The following PTPRM variants were observed in gnomAD, a reference collection of about 807,000 sequenced individuals.
PTPRM encodes receptor-type tyrosine-protein phosphatase mu.
A neutral mutation model predicts 186.7 loss-of-function variants in PTPRM; 47 were observed. That is an observed-to-expected ratio of 0.25 (90% CI 0.20 to 0.32). The LOEUF is 0.32. PTPRM is among the 10% of genes least tolerant of loss of function. The probability of loss-of-function intolerance (pLI) is 1.00; values close to 1 mark genes in which losing one functional copy is unlikely to be tolerated. For synonymous variants in PTPRM, 668 were observed against 674.9 expected, an observed-to-expected ratio of 0.99 and a Z score of 0.16; for missense variants, 1,494 against 1,865.0, an observed-to-expected ratio of 0.80 and a Z score of 3.66.
In PTPRM at chr18:7,624,401, A is replaced by G. The variant is rs542515143; in HGVS notation, c.73+56510A>G. On this transcript the variant is annotated intron_variant, in intron 1 of 32. Transcript: ENST00000580170. Reference sequence around the variant, plus strand: ...TGAACTATGAGGATGGCAGTACTGTAGACTGACTGACTGGATTTTGATCCT... The same window carrying G: ...TGAACTATGAGGATGGCAGTACTGTGGACTGACTGACTGGATTTTGATCCT... Among the ~76,000 whole-genome samples the G allele has an allele frequency of 3.3e-4, 50 of 152,338 alleles. 1 individual carries two copies. In the South Asian group the frequency reaches 8.9e-3, roughly 27 times the overall value.
intron 14 of PTPRM, among the ~76,000 whole-genome samples, chr18:8,172,620 G>A (rs1397093612): frequency 1.3e-5 from 2 of 151,930 alleles, no homozygotes; most frequent in African/African-American, 2.4e-5. Context: ...CTCCAGAGGG[G>A]TGGGCCAGCT....
chr18:7,710,776 A>G (rs1356132641), intron 1 of PTPRM, among the ~76,000 whole-genome samples: 1 of 152,192 alleles, frequency 6.6e-6, no homozygotes, highest in Non-Finnish European at 1.5e-5. Context: ...AATAACATCA[A>G]GAACTCAATC....
At chr18:8,094,839 G>T (rs951885372) in intron 11 of PTPRM, among the ~76,000 whole-genome samples, 9 of 151,898 alleles carry the variant, frequency 5.9e-5, no homozygotes, top group Non-Finnish European at 1.2e-4. Context: ...ATAAATTATG[G>T]GCCTAATTTT....
rs554166173 is a variant in PTPRM, at chr18:7,694,713, C to T, written c.74-79436C>T. Among the ~76,000 whole-genome samples the T allele has an allele frequency of 1.3e-4, 20 of 152,204 alleles. No individual in the cohort carries two copies. In the South Asian group the frequency reaches 3.7e-3, roughly 28 times the overall value. Reference sequence around the variant, plus strand: ...AAGTTCTGGGATTACAGGCATGAGCCGCCGTGCCGCTGGAAACCCTTTTCC... The same window carrying T: ...AAGTTCTGGGATTACAGGCATGAGCTGCCGTGCCGCTGGAAACCCTTTTCC... On this transcript the variant is annotated intron_variant, in intron 1 of 32. Coordinates refer to ENST00000580170, the MANE Select transcript of PTPRM (RefSeq NM_001105244.2).
chr18:7,881,505 T>C (rs2048506262), intron 2 of PTPRM, among the ~76,000 whole-genome samples: 1 of 152,210 alleles, frequency 6.6e-6, no homozygotes, highest in African/African-American at 2.4e-5. Flanking sequence ...TGAAAAATAT[T>C]AGTCTTAGGA....
intron 3 of PTPRM, among the ~76,000 whole-genome samples, chr18:7,893,547 G>A (rs549644120): frequency 6.6e-6 from 1 of 152,264 alleles, no homozygotes; most frequent in Admixed American, 6.5e-5. Flanking sequence ...AACACTGGCC[G>A]CCCTCATGCA....
intron 2 of PTPRM, among the ~76,000 whole-genome samples, chr18:7,781,756 C>A (rs1209810555): frequency 6.6e-6 from 1 of 152,158 alleles, no homozygotes; most frequent in African/African-American, 2.4e-5. Context: ...CTAACTTTAT[C>A]ATAAAAATTA....
intron 7 of PTPRM, among the ~76,000 whole-genome samples, chr18:8,053,332 T>G (rs1008727540): frequency 1.3e-5 from 2 of 152,190 alleles, no homozygotes; most frequent in African/African-American, 4.8e-5. Flanking sequence ...TCAGAAAAAA[T>G]AATCCCCTAC....
chr18:7,619,814 C>T (rs756462910), intron 1 of PTPRM, among the ~76,000 whole-genome samples: 2 of 152,152 alleles, frequency 1.3e-5, no homozygotes, highest in Non-Finnish European at 2.9e-5. Context: ...TGGACATAGG[C>T]GTGACCATAT....
chr18:7,946,563 C>G (rs1347432190), intron 5 of PTPRM, among the ~76,000 whole-genome samples: 1 of 152,108 alleles, frequency 6.6e-6, no homozygotes, highest in African/African-American at 2.4e-5. Context: ...GGGTGAGAAT[C>G]AGAGACTGAA....
chr18:7,963,588 C>T (rs2053823964), intron 7 of PTPRM, among the ~76,000 whole-genome samples: 1 of 152,210 alleles, frequency 6.6e-6, no homozygotes, highest in Admixed American at 6.5e-5. Context: ...TAGGTGGCTT[C>T]TTGTGTAGCT....
In PTPRM at chr18:8,320,467, A is replaced by G. The variant is rs767018525; in HGVS notation, c.2956+1253A>G. 3.3e-5 allele frequency among the ~76,000 whole-genome samples: 5 copies of G among 152,220 alleles called. No homozygotes were observed. In the South Asian group the frequency reaches 8.3e-4, roughly 25 times the overall value. On this transcript the variant is annotated intron_variant, in intron 22 of 32. Transcript: ENST00000580170. ...TTCTGCAGTGGTGGGAATGCTCTCT[A>G]TCTGCACTGTCCGATATCATAGCTA...
chr18:7,642,381 C>T (rs143908577), intron 1 of PTPRM, among the ~76,000 whole-genome samples: 3 of 152,136 alleles, frequency 2.0e-5, no homozygotes, highest in East Asian at 1.9e-4. Flanking sequence ...CTTCTACTGT[C>T]GTTACAATTT....
chr18:8,132,322 C>T (rs947770058), intron 13 of PTPRM, among the ~76,000 whole-genome samples: 8 of 152,146 alleles, frequency 5.3e-5, no homozygotes, highest in Admixed American at 5.2e-4. Context: ...TACAAATGCA[C>T]ACACGTGCAC....
intron 14 of PTPRM, among the ~76,000 whole-genome samples, chr18:8,224,460 G>A (rs561287654): frequency 2.2e-4 from 34 of 152,296 alleles, no homozygotes; most frequent in African/African-American, 6.3e-4. Context: ...TTCATATGGC[G>A]TGTGCATCTC....
Position 8,314,924 on chromosome 18 carries a change from T to C in PTPRM, c.2919+67T>C, listed in dbSNP as rs1434660656. The C allele has an allele frequency of 2.9e-6, 3 of 1,045,864 alleles. No individual in the cohort carries two copies. In the African/African-American group the frequency reaches 4.8e-5, roughly 17 times the overall value. 64.8% of individuals were successfully genotyped at this position (1,045,864 alleles called of 1,614,324 possible). On this transcript the variant is annotated intron_variant, in intron 21 of 32. Coordinates refer to ENST00000580170, the MANE Select transcript of PTPRM (RefSeq NM_001105244.2). ...CATATTTGGGTGCTATGTATGATAT[T>C]TTGATACATGTATACAATGCATAAT...
chr18:7,962,086 C>A (rs11081348), intron 7 of PTPRM, among the ~76,000 whole-genome samples: 1 of 151,948 alleles, frequency 6.6e-6, no homozygotes, highest in Admixed American at 6.6e-5. Context: ...TTCTGTGAAA[C>A]GTTCAGTGTC....
chr18:8,254,203 T>A (rs1292736434), intron 19 of PTPRM, among the ~76,000 whole-genome samples: 2 of 152,204 alleles, frequency 1.3e-5, no homozygotes, highest in African/African-American at 4.8e-5. Context: ...CTTGGGCTCT[T>A]GTGTGGGCAG....
intron 1 of PTPRM, among the ~76,000 whole-genome samples, chr18:7,663,446 A>C (rs1012101009): frequency 6.6e-6 from 1 of 152,192 alleles, no homozygotes; most frequent in Non-Finnish European, 1.5e-5. Context: ...GTCAAACTTG[A>C]ACAGGGGTTG....
Sources: allele counts gnomAD v4.1 joint callset (sites outside exome capture counted in the v4.1 genomes callset), GRCh38; gene constraint gnomAD v4.1.1; transcripts MANE v1.5; gene names NCBI Gene and HGNC (gene_info 2026-07-23, HGNC 2026-07-21).